The following CAPN14 variants were observed in gnomAD, a reference collection of about 807,000 sequenced individuals.
CAPN14 encodes the protein calpain-14.
Under a neutral mutation model 101.3 loss-of-function variants are expected in CAPN14, and 94 were observed. The ratio of observed to expected loss-of-function variants is 0.93; its 90% CI spans 0.79 to 1.10. CAPN14 has a LOEUF of 1.10. Ranked by LOEUF, CAPN14 falls within the 50% of genes least tolerant of loss-of-function variation. The pLI is 0.00. For synonymous variants in CAPN14, 338 were observed against 317.9 expected, an observed-to-expected ratio of 1.06 and a Z score of -0.67; for missense variants, 837 against 828.4, an observed-to-expected ratio of 1.01 and a Z score of -0.13.
At chr2:31,219,420 T>G (rs1682794047), upstream of CAPN14, among the ~76,000 whole-genome samples, 1 of 152,220 alleles carries the variant, frequency 6.6e-6, no homozygotes. Flanking sequence ...CAAGTGCATC[T>G]GGTGATGAGC....
At chr2:31,227,311 G>A (rs932332832) in intron 1 of CAPN14, among the ~76,000 whole-genome samples, 2 of 152,188 alleles carry the variant, frequency 1.3e-5, no homozygotes, top group Non-Finnish European at 2.9e-5. Flanking sequence ...TGAGACAGCC[G>A]CATTCCAGCA....
chr2:31,179,641 T>C (rs1202912917), intron 17 of CAPN14, among the ~76,000 whole-genome samples: 1 of 152,246 alleles, frequency 6.6e-6, no homozygotes, highest in Non-Finnish European at 1.5e-5. Flanking sequence ...ACCACCACAC[T>C]GTCTTCCACA....
chr2:31,192,111 A>G lies in CAPN14; in HGVS notation c.1115-13T>C. 1 of 1,535,180 alleles carries G rather than the reference A, an allele frequency of 6.5e-7. No homozygotes were observed. The highest frequency in any genetic ancestry group is 8.8e-7 in the Non-Finnish European group (1 of 1,137,636). ...TTCCAAAATGTGTCTGGAGCAGAAC[A>G]CAGCAAGGTGAGAATGGGCCCCGGA... On this transcript the variant is annotated splice_polypyrimidine_tract_variant and intron_variant, in intron 10 of 21. Transcript: ENST00000403897.
At chr2:31,191,280 G>T in intron 12 of CAPN14, 119 bp downstream of exon 12, 2 of 959,850 alleles carry the variant, frequency 2.1e-6, no homozygotes, top group Non-Finnish European at 3.1e-6. Flanking sequence ...TCATCATCTG[G>T]CATTATCATA....
rs1439959555 is a variant in CAPN14 at position 31,224,669 on chromosome 2, T to C, written c.-53+1859A>G. On this transcript the variant is annotated intron_variant and NMD_transcript_variant, in intron 2 of 21. Transcript: ENST00000398824. ...TAGAAAAACAAAGAATAAACTAAAA[T>C]TAATAAATAGTAAATAAAATAACTA... 3.3e-5 allele frequency among the ~76,000 whole-genome samples: 5 copies of C among 151,946 alleles called. No individual in the cohort carries two copies. The East Asian group carries it at 9.6e-4, about 29-fold the overall frequency.
Position 31,186,423 on chromosome 2 carries a change from C to T in CAPN14, c.1645+5G>A. 1.3e-6 allele frequency: 2 copies of T among 1,547,768 alleles called. No homozygotes were observed. The highest frequency in any genetic ancestry group is 1.7e-6 in the Non-Finnish European group (2 of 1,145,190). On this transcript the variant is annotated splice_donor_5th_base_variant and intron_variant, in intron 16 of 21. Transcript: ENST00000403897. ...AGTCCTACAGAATGGCTCTAAAACACTTACTTGACCAGGTCATCTGGTTCA... is the reference window on the plus strand; with the variant it reads ...AGTCCTACAGAATGGCTCTAAAACATTTACTTGACCAGGTCATCTGGTTCA...
At position 31,205,416 on chromosome 2, in the gene CAPN14, C is replaced by A; in HGVS notation, c.32G>T (p.Trp11Leu). The A allele has an allele frequency of 1.3e-6, 2 of 1,551,576 alleles. No homozygotes were observed. Among genetic ancestry groups the A allele is most frequent in the East Asian group, 4.9e-5 (2 of 40,900 alleles). MSLWPPFRCR[W>L]KLAPRYSRRA... ...CCTAGAGTACCTTGGCGCCAGCTTC[C>A]ATCTGCATCGGAAAGGTGGCCACAG... The change falls in exon 2 of 22, where the codon TGG becomes TTG. Residue 11 changes from tryptophan to leucine, a missense_variant. Trp to Leu is a moderately conservative substitution (Grantham distance 61). Coordinates refer to ENST00000403897, the MANE Select transcript of CAPN14 (RefSeq NM_001145122.2).
upstream of CAPN14, among the ~76,000 whole-genome samples, chr2:31,220,656 C>T (rs935856641): frequency 6.6e-6 from 1 of 152,152 alleles, no homozygotes; most frequent in Non-Finnish European, 1.5e-5. Flanking sequence ...TGGTGAAACC[C>T]CAACTCTACT....
chr2:31,228,654 T>C (rs762241746), intron 1 of CAPN14, among the ~76,000 whole-genome samples: 4 of 152,208 alleles, frequency 2.6e-5, no homozygotes, highest in African/African-American at 7.2e-5. Context: ...TTAAATAGGA[T>C]ATAAGGCAGT....
rs961642 is a variant in CAPN14, at chr2:31,174,055, C to T, written c.*626G>A. On this transcript the variant is annotated 3_prime_UTR_variant, in exon 22 of 22. Coordinates refer to ENST00000403897, the MANE Select transcript of CAPN14 (RefSeq NM_001145122.2). ...CTAGGTTGCCCCAGATCCAATCATA[C>T]GGAGATATTGTCAGAAGAAGACTAC... The T allele has an allele frequency of 0.36, 55,610 of 152,612 alleles. 12,608 individuals carry two copies. The highest frequency in any genetic ancestry group is 0.64 in the African/African-American group (26,456 of 41,382). The allele number at this position is 152,612 out of a possible 1,614,324, so 9.5% of individuals were successfully genotyped here. A position where few individuals can be genotyped will look rare whatever the true frequency, so the allele number is the denominator to read the frequency against.
chr2:31,181,821 T>C (rs1680655221), intron 16 of CAPN14, among the ~76,000 whole-genome samples: 2 of 150,592 alleles, frequency 1.3e-5, no homozygotes, highest in Admixed American at 1.3e-4. Flanking sequence ...TGATTTCCAA[T>C]TTCATCCATG....
intron 5 of CAPN14, among the ~76,000 whole-genome samples, chr2:31,201,228 T>G (rs1362910494): frequency 6.6e-6 from 1 of 151,170 alleles, no homozygotes; most frequent in African/African-American, 2.4e-5. Context: ...TGTCTGTGTT[T>G]GCGTGTGTGT....
Position 31,200,482 on chromosome 2 carries a change from C to G in CAPN14, c.695G>C (p.Arg232Thr). ...GTGGGTCTGGCAGCCAATGAGGGTT[C>G]TGTTGTAGGTGGCTTCGATGAGGAT... ...WDILIEATYN[R>T]TLIGCQTHSG... Residue 232 changes from arginine to threonine, a missense_variant, in exon 6 of 22, where the codon AGA becomes ACA. By Grantham distance (71) the Arg-to-Thr change is moderately conservative. Transcript: ENST00000403897. 6.4e-7 allele frequency: 1 copy of G among 1,550,682 alleles called. No homozygotes were observed. Among genetic ancestry groups the G allele is most frequent in the African/African-American group, 1.4e-5 (1 of 73,118 alleles).
At chr2:31,223,200 T>C (rs559533827) in intron 2 of CAPN14, among the ~76,000 whole-genome samples, 3 of 152,304 alleles carry the variant, frequency 2.0e-5, no homozygotes, top group East Asian at 3.9e-4. Flanking sequence ...GAGACAGGAA[T>C]GTTTAAGGTT....
chr2:31,226,627 G>C (rs920770287), exon 2 of CAPN14: 2 of 152,244 alleles, frequency 1.3e-5, no homozygotes, highest in African/African-American at 4.8e-5. Context: ...AGGCTGTTGA[G>C]TGGGATGGTG....
chr2:31,211,671 G>GCACA (rs34380519), intron 1 of CAPN14, among the ~76,000 whole-genome samples: 40,573 of 149,176 alleles, frequency 0.27, 5,833 homozygotes, highest in East Asian at 0.54. Flanking sequence ...GTGTGCATGT[G>GCACA]CACACACACA....
rs994869235 is a variant in CAPN14 at position 31,226,068 on chromosome 2, C to T, written c.-53+460G>A. Among the ~76,000 whole-genome samples, 29 of 152,074 alleles carry T rather than the reference C, an allele frequency of 1.9e-4. 1 individual carries two copies. Among genetic ancestry groups the T allele is most frequent in the African/African-American group, 6.8e-4 (28 of 41,416 alleles). ...TAACTCATGGAAACAAAATAGATAACTCTGAAATAAGGATTGTGTTATCTA... is the reference window on the plus strand; with the variant it reads ...TAACTCATGGAAACAAAATAGATAATTCTGAAATAAGGATTGTGTTATCTA... On this transcript the variant is annotated intron_variant and NMD_transcript_variant, in intron 2 of 21. Coordinates refer to the CAPN14 transcript ENST00000398824.
chr2:31,205,174 G>A, intron 2 of CAPN14, 49 bp downstream of exon 2: 2 of 1,489,138 alleles, frequency 1.3e-6, no homozygotes, highest in Non-Finnish European at 9.2e-7. Context: ...GTATCTGAAA[G>A]CCCTAAACCC....
chr2:31,216,728 A>T (rs1247993409), intron 1 of CAPN14, among the ~76,000 whole-genome samples: 2 of 152,134 alleles, frequency 1.3e-5, no homozygotes, highest in African/African-American at 4.8e-5. Context: ...AGCTGAACTG[A>T]GAGCCGACTA....
Sources: allele counts gnomAD v4.1 joint callset (sites outside exome capture counted in the v4.1 genomes callset), GRCh38; gene constraint gnomAD v4.1.1; transcripts MANE v1.5; gene names NCBI Gene and HGNC (gene_info 2026-07-23, HGNC 2026-07-21).